Variants in TMEM9 observed in about 807,000 individuals in gnomAD.
The protein encoded by TMEM9 is transmembrane protein 9, also known as proton-transporting V-type ATPase complex assembly regulator TMEM9.
TMEM9 carries 13 observed loss-of-function variants against 22.8 expected under a neutral mutation model. The observed-to-expected ratio is 0.57, with a 90% CI of 0.37 to 0.91. The LOEUF is 0.91. Among genes scored for constraint, TMEM9 ranks in the 40% least tolerant of loss-of-function variants. The pLI, the probability that TMEM9 is intolerant of heterozygous loss-of-function variation, is 0.01. For synonymous variants in TMEM9, 88 were observed against 93.0 expected (o/e 0.95, Z 0.31); for missense variants, 182 against 238.1 (o/e 0.76, Z 1.55).
chr1:201,154,851 A>T (rs1248162708), upstream of TMEM9, among the ~76,000 whole-genome samples: 1 of 152,182 alleles, frequency 6.6e-6, no homozygotes, highest in Non-Finnish European at 1.5e-5. Flanking sequence ...TGGAAATGTT[A>T]TTTAGGGATC....
chr1:201,148,001 T>C (rs1235870093), intron 2 of TMEM9, among the ~76,000 whole-genome samples: 2 of 152,218 alleles, frequency 1.3e-5, no homozygotes, highest in Admixed American at 6.5e-5. Flanking sequence ...CCCCAGGAGA[T>C]GTACGTTCCT....
upstream of TMEM9, among the ~76,000 whole-genome samples, chr1:201,157,545 T>C (rs143707808): frequency 5.9e-3 from 902 of 152,320 alleles, 6 homozygotes; most frequent in African/African-American, 0.021. Context: ...TGCCAAGGAC[T>C]TTTTTGTCCT....
At chr1:201,137,806 G>C (rs1030384268) in intron 4 of TMEM9, among the ~76,000 whole-genome samples, 2 of 152,162 alleles carry the variant, frequency 1.3e-5, no homozygotes, top group Non-Finnish European at 1.5e-5. Context: ...CCTAGCTCTG[G>C]AAGCCACTAG....
chr1:201,171,249 C>A (rs1308100701), intron 1 of TMEM9, among the ~76,000 whole-genome samples: 1 of 152,124 alleles, frequency 6.6e-6, no homozygotes, highest in Non-Finnish European at 1.5e-5. Flanking sequence ...GGCCCCCTGC[C>A]GGACGGCGGG....
At chr1:201,141,412 A>T (rs1572104286) in intron 4 of TMEM9, among the ~76,000 whole-genome samples, 1 of 152,144 alleles carries the variant, frequency 6.6e-6, no homozygotes, top group Non-Finnish European at 1.5e-5. Flanking sequence ...GAATCACAGG[A>T]GGTGAGGGGA....
At position 201,143,927 on chromosome 1, in the gene TMEM9, C is replaced by A. The variant is rs778529248; in HGVS notation, c.292G>T (p.Val98Leu). ...IKVIIVIYLS[V>L]VGALLLYMAF... ...ATGTAGAGCAACAGGGCACCCACCA[C>A]GGACAGGTAGATGACAATGATGACC... Residue 98 changes from valine (V) to leucine (L), a missense_variant, in exon 4 of 5, where the codon GTG (valine) becomes TTG (leucine). Val to Leu is a conservative substitution (Grantham distance 32, BLOSUM62 1). Transcript: ENST00000367330. The A allele has an allele frequency of 6.2e-7, 1 of 1,614,034 alleles. No individual in the cohort carries two copies. The highest frequency in any genetic ancestry group is 1.3e-5 in the African/African-American group (1 of 74,916).
chr1:201,139,321 G>A (rs948785091), intron 4 of TMEM9, among the ~76,000 whole-genome samples: 2 of 152,206 alleles, frequency 1.3e-5, no homozygotes, highest in Admixed American at 6.5e-5. Flanking sequence ...CTAGTGCAAA[G>A]CCCTTCAGCA....
intron 4 of TMEM9, among the ~76,000 whole-genome samples, chr1:201,141,847 C>T (rs1156635791): frequency 6.6e-6 from 1 of 152,144 alleles, no homozygotes; most frequent in Non-Finnish European, 1.5e-5. Flanking sequence ...GCAAGCTGCT[C>T]TCCCCAAGCT....
At chr1:201,137,360 C>T (rs1664094041) in intron 4 of TMEM9, among the ~76,000 whole-genome samples, 1 of 152,148 alleles carries the variant, frequency 6.6e-6, no homozygotes, top group South Asian at 2.1e-4. Context: ...GGCTATGTGT[C>T]CCTGAACAAG....
intron 4 of TMEM9, among the ~76,000 whole-genome samples, chr1:201,140,168 G>A (rs1257521633): frequency 6.6e-6 from 1 of 152,160 alleles, no homozygotes; most frequent in African/African-American, 2.4e-5. Flanking sequence ...ACCTTTCCTT[G>A]ATTTCCCTGT....
At chr1:201,149,141 G>C (rs934305121) in intron 2 of TMEM9, among the ~76,000 whole-genome samples, 2 of 152,210 alleles carry the variant, frequency 1.3e-5, no homozygotes, top group African/African-American at 2.4e-5. Flanking sequence ...TTGCTACCCA[G>C]GGGAACAGCA....
chr1:201,140,519 C>T (rs1222926937), intron 4 of TMEM9, among the ~76,000 whole-genome samples: 1 of 152,230 alleles, frequency 6.6e-6, no homozygotes, highest in African/African-American at 2.4e-5. Context: ...AAGCTTTCAT[C>T]TCCCTCCATG....
chr1:201,153,861 G>C lies in TMEM9; in HGVS notation c.63C>G (p.Asn21Lys). The change falls in exon 1 of 5, where the codon AAC (asparagine) becomes AAG (lysine). Residue 21 changes from asparagine to lysine, a missense_variant. By Grantham distance (94) the Asn-to-Lys change is moderately conservative. Transcript: ENST00000367330. Reference sequence around the variant, plus strand: ...GCTGCAGGCTCACCTCCCTCACCTTGTTGGCTTCAGCTGGGGGCACCAGCA... The same window carrying C: ...GCTGCAGGCTCACCTCCCTCACCTTCTTGGCTTCAGCTGGGGGCACCAGCA... Reference protein sequence around the residue: ...GCLLVPPAEANKSSEDIRCKC... With the variant: ...GCLLVPPAEAKKSSEDIRCKC... 6.2e-7 allele frequency: 1 copy of C among 1,614,180 alleles called. No individual in the cohort carries two copies.
At chr1:201,144,043 AGT>A (rs1664757405) in intron 3 of TMEM9, 92 bp from the exon 4 acceptor site, 3 of 1,443,680 alleles carry the variant, frequency 2.1e-6, no homozygotes, top group Non-Finnish European at 2.9e-6. Context: ...TCCGGCTGGC[AGT>A]GACTCCTCAA....
Position 201,153,666 on chromosome 1 carries a change from C to T in TMEM9, c.66+192G>A, listed in dbSNP as rs573160672. 99 of 1,339,342 alleles carry T rather than the reference C, an allele frequency of 7.4e-5. No individual in the cohort carries two copies. In the African/African-American group the frequency reaches 1.3e-3, roughly 17 times the overall value. The allele number at this position is 1,339,342 out of a possible 1,614,324, so 83.0% of individuals were successfully genotyped here. The stretch of plus-strand genomic sequence containing the variant: ...CAGTGCTCTGTGCCCCACCCTTCCT[C>T]ACTCCTCACCCGCACTATCCTTAGG... On this transcript the variant is annotated intron_variant, in intron 1 of 4. Coordinates refer to ENST00000367330, the MANE Select transcript of TMEM9 (RefSeq NM_001288565.2).
rs986401741 is a variant in TMEM9 at position 201,167,672 on chromosome 1, A to C, written c.-37+3818T>G. On this transcript the variant is annotated intron_variant, in intron 1 of 5. Coordinates refer to the TMEM9 transcript ENST00000367333. Reference sequence around the variant, plus strand: ...TTGCAAAGGTGGTTGAGTTTGGGGGATAGGCTATTATCCTTTAAACTATAA... The same window carrying C: ...TTGCAAAGGTGGTTGAGTTTGGGGGCTAGGCTATTATCCTTTAAACTATAA... Among the ~76,000 whole-genome samples, 6 of 152,180 alleles carry C rather than the reference A, an allele frequency of 3.9e-5. No homozygotes were observed. The South Asian group carries it at 1.2e-3, about 32-fold the overall frequency.
At chr1:201,170,692 T>C (rs1666188981) in intron 1 of TMEM9, among the ~76,000 whole-genome samples, 2 of 152,050 alleles carry the variant, frequency 1.3e-5, no homozygotes, top group Non-Finnish European at 2.9e-5. Context: ...GGTTAAATAT[T>C]TGCCCCGGGT....
At chr1:201,141,223 T>G (rs1223010575) in intron 4 of TMEM9, among the ~76,000 whole-genome samples, 2 of 152,254 alleles carry the variant, frequency 1.3e-5, no homozygotes, top group African/African-American at 4.8e-5. Context: ...CAGATCTTAC[T>G]GCCAGCCTTT....
intron 2 of TMEM9, among the ~76,000 whole-genome samples, chr1:201,148,935 C>T (rs2102265551): frequency 6.6e-6 from 1 of 152,348 alleles, no homozygotes. Context: ...GGCTGCCATT[C>T]CTGTCCAGAG....
Sources: gnomAD v4.1 joint callset for allele counts (sites outside exome capture counted in the v4.1 genomes callset) on GRCh38, gnomAD v4.1.1 for gene constraint, MANE v1.5 for transcripts, NCBI Gene and HGNC (gene_info 2026-07-23, HGNC 2026-07-21) for gene names.